Variants in CAMTA1 observed in about 807,000 individuals in gnomAD.
CAMTA1 encodes the protein calmodulin binding transcription activator 1, also known as calmodulin-binding transcription activator 1.
Under a neutral mutation model 170.9 loss-of-function variants are expected in CAMTA1, and 27 were observed. The observed-to-expected ratio is 0.16, with a 90% CI of 0.12 to 0.22. CAMTA1 has a LOEUF of 0.22. CAMTA1 is among the 10% of genes least tolerant of loss of function. CAMTA1 has a pLI of 1.00. For synonymous variants in CAMTA1, 833 were observed against 891.5 expected, an observed-to-expected ratio of 0.93 and a Z score of 1.17; for missense variants, 1,619 against 2,217.2, an observed-to-expected ratio of 0.73 and a Z score of 5.42.
At chr1:6,859,726 C>T (rs553009245) in intron 3 of CAMTA1, among the ~76,000 whole-genome samples, 8 of 152,170 alleles carry the variant, frequency 5.3e-5, no homozygotes, top group Non-Finnish European at 8.8e-5. Flanking sequence ...GAAGTCGAGG[C>T]TGCAGTGAGC....
intron 19 of CAMTA1, 138 bp downstream of exon 19, chr1:7,747,919 TA>T (rs1215894235): frequency 8.4e-4 from 344 of 409,210 alleles, no homozygotes; most frequent in East Asian, 8.4e-3. Flanking sequence ...TTTTTTTTTT[TA>T]TTTTTTTTTT....
At chr1:7,082,028 T>C (rs1254054584) in intron 3 of CAMTA1, among the ~76,000 whole-genome samples, 1 of 152,212 alleles carries the variant, frequency 6.6e-6, no homozygotes, top group Non-Finnish European at 1.5e-5. Context: ...TTTGTTCCAT[T>C]TTCCCCACTC....
intron 4 of CAMTA1, among the ~76,000 whole-genome samples, chr1:7,103,704 A>G (rs751643575): frequency 2.0e-5 from 3 of 151,066 alleles, no homozygotes; most frequent in Non-Finnish European, 3.0e-5. Flanking sequence ...AACTACACAT[A>G]TGTATACATG....
chr1:7,104,173 C>G (rs1404963457), intron 4 of CAMTA1, among the ~76,000 whole-genome samples: 1 of 151,132 alleles, frequency 6.6e-6, no homozygotes, highest in African/African-American at 2.4e-5. Flanking sequence ...CAACTACACA[C>G]ATATACACAC....
At chr1:7,601,461 G>A (rs1467694248) in intron 6 of CAMTA1, among the ~76,000 whole-genome samples, 10 of 148,386 alleles carry the variant, frequency 6.7e-5, no homozygotes, top group African/African-American at 1.0e-4. Flanking sequence ...TCCAGACTGG[G>A]CAGCCAGGCA....
At chr1:7,492,654 AAC>A (rs1380940963) in intron 6 of CAMTA1, among the ~76,000 whole-genome samples, 9 of 114,382 alleles carry the variant, frequency 7.9e-5, no homozygotes, top group South Asian at 3.1e-4. Context: ...CAATCACACA[AAC>A]ACAAACATAC....
intron 3 of CAMTA1, among the ~76,000 whole-genome samples, chr1:7,003,184 G>A (rs1434851916): frequency 6.6e-6 from 1 of 152,192 alleles, no homozygotes; most frequent in African/African-American, 2.4e-5. Flanking sequence ...TTGCCAATCT[G>A]GGGGCAAAAT....
intron 7 of CAMTA1, among the ~76,000 whole-genome samples, chr1:7,655,710 T>C (rs1293765480): frequency 6.6e-6 from 1 of 151,190 alleles, no homozygotes; most frequent in Non-Finnish European, 1.5e-5. Flanking sequence ...TATACACACA[T>C]CTATATACAC....
Position 7,144,371 on chromosome 1 carries a change from C to T in CAMTA1, c.302+53000C>T, listed in dbSNP as rs1389271281. Among the ~76,000 whole-genome samples the T allele has an allele frequency of 6.6e-6, 1 of 152,154 alleles. No individual in the cohort carries two copies. Among genetic ancestry groups the T allele is most frequent in the Non-Finnish European group, 1.5e-5 (1 of 68,038 alleles). On this transcript the variant is annotated intron_variant, in intron 4 of 22. Coordinates refer to ENST00000303635, the MANE Select transcript of CAMTA1 (RefSeq NM_015215.4). This position sits in a 1 kb window ranked among gnomAD's most constrained non-coding sequence, Gnocchi z 4.0. ...CTAAGGCCACCAATTCTATTGGATA[C>T]AGACCCTATCTGACCTCATTTAACC... is the stretch of plus-strand genomic sequence containing the variant.
chr1:7,138,300 T>C (rs1199410062), intron 4 of CAMTA1, among the ~76,000 whole-genome samples: 1 of 152,196 alleles, frequency 6.6e-6, no homozygotes, highest in Non-Finnish European at 1.5e-5. Context: ...CCCATCTTTG[T>C]AGCATGAATA....
In CAMTA1 at chr1:7,546,080, C is replaced by T. The variant is rs565532494; in HGVS notation, c.510+78179C>T. 1.1e-4 allele frequency among the ~76,000 whole-genome samples: 17 copies of T among 152,100 alleles called. 1 individual carries two copies. Among genetic ancestry groups the T allele is most frequent in the South Asian group, 8.3e-4 (4 of 4,808 alleles). ...ACACCAGTCTCCTGCCTCAGTCTCC[C>T]GAGTAGCTGGGACTACAGGCACCTG... is the stretch of plus-strand genomic sequence containing the variant. On this transcript the variant is annotated intron_variant, in intron 6 of 22. Transcript: ENST00000303635.
rs375362978 is a variant in CAMTA1, at chr1:7,213,280, A to C, written c.303-36211A>C. On this transcript the variant is annotated intron_variant, in intron 4 of 22. Transcript: ENST00000303635. Reference sequence around the variant, plus strand: ...ATCCTTATCAGCATTTGGTGTTGTCACTATTTTTTATTTTAGCTCCCCTGA... The same window carrying C: ...ATCCTTATCAGCATTTGGTGTTGTCCCTATTTTTTATTTTAGCTCCCCTGA... Among the ~76,000 whole-genome samples, 5 of 152,256 alleles carry C rather than the reference A, an allele frequency of 3.3e-5. No homozygotes were observed. The East Asian group carries it at 9.7e-4, about 29-fold the overall frequency.
At chr1:7,257,034 G>A (rs963965595) in intron 5 of CAMTA1, among the ~76,000 whole-genome samples, 77 of 145,730 alleles carry the variant, frequency 5.3e-4, no homozygotes, top group Middle Eastern at 8.3e-3. Context: ...CTCACGATCT[G>A]ATCACCTCCC....
At chr1:7,201,174 T>A (rs1186403999) in intron 4 of CAMTA1, among the ~76,000 whole-genome samples, 1 of 152,210 alleles carries the variant, frequency 6.6e-6, no homozygotes, top group African/African-American at 2.4e-5. Flanking sequence ...GTAACTGTCT[T>A]CTTTCATTTA....
At chr1:7,747,681 AT>A (rs752079945) in intron 18 of CAMTA1, 28 bp from the exon 19 acceptor site, 13 of 1,518,922 alleles carry the variant, frequency 8.6e-6, no homozygotes, top group Admixed American at 2.0e-5. Flanking sequence ...ATCATTACTG[AT>A]TTTTTTTCTC....
chr1:7,123,412 G>A lies in CAMTA1; in HGVS notation c.302+32041G>A, dbSNP rs562082427. Among the ~76,000 whole-genome samples, 3 of 152,162 alleles carry A rather than the reference G, an allele frequency of 2.0e-5. No individual in the cohort carries two copies. The South Asian group carries it at 6.2e-4, about 32-fold the overall frequency. ...ATCTCGTCTTGTCTTGATCATCCGC[G>A]AAGACCCTATTTCTCAATGTCCCAT... is the stretch of plus-strand genomic sequence containing the variant. On this transcript the variant is annotated intron_variant, in intron 4 of 22. Coordinates refer to ENST00000303635, the MANE Select transcript of CAMTA1 (RefSeq NM_015215.4).
intron 3 of CAMTA1, among the ~76,000 whole-genome samples, chr1:6,865,095 G>A (rs904978426): frequency 6.6e-6 from 1 of 152,144 alleles, no homozygotes; most frequent in Non-Finnish European, 1.5e-5. Context: ...GTGAGCCACC[G>A]TGCCCAGCCT....
chr1:6,931,233 C>A (rs934399978), intron 3 of CAMTA1, among the ~76,000 whole-genome samples: 1 of 152,126 alleles, frequency 6.6e-6, no homozygotes, highest in Non-Finnish European at 1.5e-5. Context: ...AATGCAGAAG[C>A]TATTTAGCAT....
intron 1 of CAMTA1, among the ~76,000 whole-genome samples, chr1:6,794,542 A>G (rs1015386781): frequency 6.6e-6 from 1 of 152,216 alleles, no homozygotes; most frequent in Non-Finnish European, 1.5e-5. Context: ...TTTAAGCCAT[A>G]TGAATGGTAA....
Sources: allele counts gnomAD v4.1 joint callset (sites outside exome capture counted in the v4.1 genomes callset), GRCh38; gene constraint gnomAD v4.1.1; non-coding constraint Gnocchi (gnomAD v3.1); transcripts MANE v1.5; gene names NCBI Gene and HGNC (gene_info 2026-07-23, HGNC 2026-07-21).